The following CEP112 variants were observed in gnomAD, a reference collection of about 807,000 sequenced individuals.
CEP112 encodes centrosomal protein of 112 kDa.
CEP112 carries 127 observed loss-of-function variants against 153.0 expected under a neutral mutation model. That is an observed-to-expected ratio of 0.83 (90% CI 0.72 to 0.96). The LOEUF is 0.96. Among genes scored for constraint, CEP112 ranks in the 40% least tolerant of loss-of-function variants. CEP112 has a pLI of 0.00. For synonymous variants in CEP112, 358 were observed against 374.4 expected (o/e 0.96, Z 0.51); for missense variants, 1,089 against 1,101.2 (o/e 0.99, Z 0.16).
intron 16 of CEP112, among the ~76,000 whole-genome samples, chr17:66,010,475 G>C (rs62063367): frequency 0.016 from 2,425 of 152,138 alleles, 24 homozygotes; most frequent in Non-Finnish European, 0.024. Context: ...GATTGGTCTG[G>C]CCAGGTTTTC....
At chr17:65,826,939 C>T (rs1190236068) in intron 21 of CEP112, among the ~76,000 whole-genome samples, 1 of 152,104 alleles carries the variant, frequency 6.6e-6, no homozygotes, top group African/African-American at 2.4e-5. Context: ...AGAGGCAGAC[C>T]AACCCTCAAT....
intron 18 of CEP112, among the ~76,000 whole-genome samples, chr17:65,939,470 T>C (rs2144446591): frequency 6.6e-6 from 1 of 152,290 alleles, no homozygotes; most frequent in African/African-American, 2.4e-5. Flanking sequence ...GCTGGAGGCA[T>C]CACACTACCT....
At chr17:66,063,256 C>A (rs1326121329) in intron 10 of CEP112, among the ~76,000 whole-genome samples, 175 bp from the exon 11 acceptor site, 1 of 152,152 alleles carries the variant, frequency 6.6e-6, no homozygotes, top group Non-Finnish European at 1.5e-5. Context: ...CCACCACAGA[C>A]AGCCTTGGTT....
intron 18 of CEP112, among the ~76,000 whole-genome samples, chr17:65,948,231 G>A (rs2061706404): frequency 6.6e-6 from 1 of 152,166 alleles, no homozygotes; most frequent in African/African-American, 2.4e-5. Context: ...TTGTTTTCAT[G>A]ACAAACCAGT....
intron 23 of CEP112, among the ~76,000 whole-genome samples, chr17:65,732,317 A>AT (rs2050556997): frequency 6.6e-6 from 1 of 152,190 alleles, no homozygotes; most frequent in South Asian, 2.1e-4. Context: ...GGAGGTCTCA[A>AT]TAGCAGACTT....
At position 66,006,618 on chromosome 17, in the gene CEP112, AT is replaced by A. The variant is rs536002907; in HGVS notation, c.1657-850del. On this transcript the variant is annotated intron_variant, in intron 16 of 26. Coordinates refer to ENST00000535342, the MANE Select transcript of CEP112 (RefSeq NM_001199165.4). The stretch of plus-strand genomic sequence containing the variant: ...GAGACTCCATCTCAAAAAAAAAAAA[AT>A]GTCTTCACAAAAAGCTCTTCATATG... Among the ~76,000 whole-genome samples, 547 of 152,200 alleles carry A rather than the reference AT, an allele frequency of 3.6e-3. 1 individual carries two copies. The highest frequency in any genetic ancestry group is 6.2e-3 in the Non-Finnish European group (424 of 67,980).
intron 4 of CEP112, among the ~76,000 whole-genome samples, chr17:66,143,572 G>C (rs1030230409): frequency 6.6e-6 from 1 of 152,200 alleles, no homozygotes; most frequent in Non-Finnish European, 1.5e-5. Flanking sequence ...AGAAATTCGT[G>C]AATACGGTGT....
intron 4 of CEP112, among the ~76,000 whole-genome samples, chr17:66,168,385 A>ATG (rs1017719512): frequency 3.3e-5 from 5 of 150,170 alleles, no homozygotes; most frequent in East Asian, 1.9e-4. Flanking sequence ...ACCTATATAT[A>ATG]TGTGTGTGTA....
At chr17:65,920,362 A>AAAAAAAAAAAAAAATAATATATAT in intron 19 of CEP112, among the ~76,000 whole-genome samples, 1 of 42,784 alleles carries the variant, frequency 2.3e-5, no homozygotes, top group African/African-American at 8.6e-5. Context: ...AAACAAACAA[A>AAAAAAAAAAAAAAATAATATATAT]ATATATATAT....
At chr17:66,090,802 T>G (rs2068103798) in intron 8 of CEP112, among the ~76,000 whole-genome samples, 2 of 152,078 alleles carry the variant, frequency 1.3e-5, no homozygotes, top group East Asian at 3.8e-4. Flanking sequence ...AAGAAATTCA[T>G]TTCATGTTTA....
At chr17:65,797,078 C>G (rs1469552634) in intron 21 of CEP112, 1 of 152,178 alleles carries the variant, frequency 6.6e-6, no homozygotes, top group African/African-American at 2.4e-5. Context: ...ACAACAACAA[C>G]AACAACAACA....
intron 21 of CEP112, among the ~76,000 whole-genome samples, chr17:65,803,027 T>C (rs895511606): frequency 6.6e-6 from 1 of 152,232 alleles, no homozygotes; most frequent in African/African-American, 2.4e-5. Flanking sequence ...CCACCTGGCT[T>C]TCTGTCCCAG....
intron 20 of CEP112, among the ~76,000 whole-genome samples, chr17:65,860,957 G>A (rs553445114): frequency 6.6e-6 from 1 of 152,330 alleles, no homozygotes; most frequent in Admixed American, 6.5e-5. Flanking sequence ...ACATGCTACA[G>A]TAGGAATGAA....
At chr17:65,743,838 T>G (rs559897671) in intron 22 of CEP112, among the ~76,000 whole-genome samples, 1 of 152,212 alleles carries the variant, frequency 6.6e-6, no homozygotes, top group South Asian at 2.1e-4. Context: ...CTTGGCTCAC[T>G]GAGACCTCCA....
At chr17:65,754,808 G>T (rs576526865) in intron 21 of CEP112, among the ~76,000 whole-genome samples, 4 of 152,058 alleles carry the variant, frequency 2.6e-5, no homozygotes, top group Non-Finnish European at 5.9e-5. Flanking sequence ...CCACTGAAGG[G>T]GTTTGTGTTA....
chr17:65,637,825 G>A (rs769222363), intron 25 of CEP112, among the ~76,000 whole-genome samples: 1 of 152,176 alleles, frequency 6.6e-6, no homozygotes, highest in Non-Finnish European at 1.5e-5. Flanking sequence ...CATGTAGCTG[G>A]TTTCACTAGC....
chr17:65,643,464 ATTT>A (rs35436538), intron 24 of CEP112, among the ~76,000 whole-genome samples: 6 of 146,756 alleles, frequency 4.1e-5, no homozygotes, highest in South Asian at 2.2e-4. Context: ...CACCTGGCTA[ATTT>A]TTTTTTTTTT....
intron 18 of CEP112, among the ~76,000 whole-genome samples, chr17:65,951,999 G>A (rs934665606): frequency 2.0e-5 from 3 of 152,002 alleles, no homozygotes; most frequent in African/African-American, 7.3e-5. Flanking sequence ...ATTTAAAAGT[G>A]GGTTATTTAC....
At chr17:65,965,443 T>C (rs1222352319) in intron 17 of CEP112, among the ~76,000 whole-genome samples, 1 of 151,946 alleles carries the variant, frequency 6.6e-6, no homozygotes, top group East Asian at 1.9e-4. Flanking sequence ...TCATTCAATG[T>C]AATTCAATGT....
Sources: allele counts gnomAD v4.1 joint callset (sites outside exome capture counted in the v4.1 genomes callset), GRCh38; gene constraint gnomAD v4.1.1; transcripts MANE v1.5; gene names NCBI Gene and HGNC (gene_info 2026-07-23, HGNC 2026-07-21).